Variants in SYNE2 observed in about 807,000 individuals in gnomAD.
SYNE2 encodes nesprin-2.
Under a neutral mutation model 856.3 loss-of-function variants are expected in SYNE2, and 431 were observed. The observed-to-expected ratio is 0.50, with a 90% confidence interval of 0.47 to 0.55. The LOEUF (loss-of-function observed/expected upper bound fraction) is 0.55. Ranked by LOEUF, SYNE2 falls within the 20% of genes least tolerant of loss-of-function variation. SYNE2 has a pLI of 0.00. For missense variants in SYNE2, 8,129 were observed against 8,023.2 expected (o/e 1.01, Z -0.50); for synonymous variants, 2,923 against 2,872.3 (o/e 1.02, Z -0.56).
intron 11 of SYNE2, among the ~76,000 whole-genome samples, chr14:63,973,312 A>G (rs144135938): frequency 1.3e-5 from 2 of 152,254 alleles, no homozygotes; most frequent in African/African-American, 4.8e-5. Flanking sequence ...ATCTGGAGAC[A>G]TAATGGCAAA....
rs560501482 is a variant in SYNE2, at chr14:63,780,019, TATA to T, written c.-305+18038_-305+18040del. On this transcript the variant is annotated intron_variant, in intron 1 of 23. Coordinates refer to the SYNE2 transcript ENST00000674003. ...CATTAATTTTGGAAATCCAGGAATC[TATA>T]ATAACTCTAGAATTAATAATCCCAA... 7.9e-5 allele frequency among the ~76,000 whole-genome samples: 12 copies of T among 152,206 alleles called. No homozygotes were observed. The South Asian group carries it at 2.5e-3, about 31-fold the overall frequency.
chr14:64,160,041 T>C (rs1363791731), intron 87 of SYNE2, among the ~76,000 whole-genome samples: 4 of 152,232 alleles, frequency 2.6e-5, no homozygotes, highest in African/African-American at 9.6e-5. Flanking sequence ...ATCTTAAGTG[T>C]CCTTCCTGAT....
chr14:63,878,153 C>G (rs993937364), intron 1 of SYNE2, among the ~76,000 whole-genome samples: 1 of 151,942 alleles, frequency 6.6e-6, no homozygotes, highest in African/African-American at 2.4e-5. Context: ...TCCCAAAGTG[C>G]TAGGATTACA....
chr14:64,129,307 CTAAA>C (rs750368504), intron 74 of SYNE2, among the ~76,000 whole-genome samples: 6 of 152,026 alleles, frequency 3.9e-5, no homozygotes, highest in Non-Finnish European at 7.4e-5. Flanking sequence ...ACTTTTGTCT[CTAAA>C]TAAATAAATA....
At chr14:64,118,174 C>T (rs894394643) in intron 66 of SYNE2, among the ~76,000 whole-genome samples, 1 of 151,972 alleles carries the variant, frequency 6.6e-6, no homozygotes, top group African/African-American at 2.4e-5. Flanking sequence ...TGTTCTTAGT[C>T]ACGCACCGAG....
chr14:63,888,008 C>G (rs941967282), intron 1 of SYNE2, among the ~76,000 whole-genome samples: 1 of 152,066 alleles, frequency 6.6e-6, no homozygotes, highest in Non-Finnish European at 1.5e-5. Context: ...CCGCCTTGGC[C>G]TCCCAAAGTA....
chr14:64,161,740 C>CA (rs903391848), intron 87 of SYNE2, among the ~76,000 whole-genome samples: 5,149 of 56,234 alleles, frequency 0.092, 221 homozygotes, highest in East Asian at 0.23. Context: ...CCTGTCTCTA[C>CA]AAAAAAAAAA....
In SYNE2 at chr14:63,945,684, G is replaced by A. The variant is rs117005358; in HGVS notation, c.408+3541G>A. On this transcript the variant is annotated intron_variant, in intron 6 of 115. Coordinates refer to ENST00000555002, the MANE Select transcript of SYNE2 (RefSeq NM_182914.3). ...GTCGCCCAGGCTGGAGTGCAGTGGG[G>A]CACGATCTTGGCTCACTGTAACCTC... is the stretch of plus-strand genomic sequence containing the variant. 1.4e-3 allele frequency among the ~76,000 whole-genome samples: 219 copies of A among 152,166 alleles called. 2 individuals carry two copies. The East Asian group carries it at 0.015, about 10-fold the overall frequency.
At position 64,098,171 on chromosome 14, in the gene SYNE2, T is replaced by C. The variant is rs573209282; in HGVS notation, c.12306+25T>C. 286 of 1,611,948 alleles carry C rather than the reference T, an allele frequency of 1.8e-4. No individual in the cohort carries two copies. The South Asian group carries it at 1.8e-3, about 10-fold the overall frequency. On this transcript the variant is annotated intron_variant, in intron 62 of 115. Transcript: ENST00000555002. Reference sequence around the variant, plus strand: ...GGTGGGTATGACTTTAGGTTAATGCTGGCCCCACACTCCACAAGAGCATTA... The same window carrying C: ...GGTGGGTATGACTTTAGGTTAATGCCGGCCCCACACTCCACAAGAGCATTA...
chr14:63,809,951 G>T (rs1035161129), intron 1 of SYNE2, among the ~76,000 whole-genome samples: 1 of 152,174 alleles, frequency 6.6e-6, no homozygotes, highest in Non-Finnish European at 1.5e-5. Context: ...GGCCAGGTGT[G>T]GTGGCCCATG....
At chr14:64,047,889 A>G in intron 45 of SYNE2, 111 bp from the exon 46 acceptor site, 1 of 1,176,842 alleles carries the variant, frequency 8.5e-7, no homozygotes, top group Non-Finnish European at 1.2e-6. Flanking sequence ...ATACTTTTTA[A>G]GTCTATAATC....
chr14:63,851,636 G>C (rs1470619599), upstream of SYNE2, among the ~76,000 whole-genome samples: 2 of 152,030 alleles, frequency 1.3e-5, no homozygotes, highest in African/African-American at 4.8e-5. Flanking sequence ...CCAAATTGTG[G>C]GTACAACTTA....
At position 63,886,790 on chromosome 14, in the gene SYNE2, G is replaced by C. The variant is rs532292206; in HGVS notation, c.-51-22308G>C. 3.6e-4 allele frequency among the ~76,000 whole-genome samples: 55 copies of C among 152,170 alleles called. 1 individual carries two copies. In the South Asian group the frequency reaches 0.011, roughly 30 times the overall value. ...TTCTCCTGCCTCAGCCTCCCGAGTA[G>C]CTGGGACTACAGGTGTGCTCCATCA... On this transcript the variant is annotated intron_variant, in intron 1 of 115. Transcript: ENST00000555002.
chr14:64,146,256 C>T (rs200570086), intron 84 of SYNE2, 33 bp downstream of exon 84: 13 of 1,576,672 alleles, frequency 8.2e-6, no homozygotes, highest in Admixed American at 7.3e-5. Context: ...ACCCAACCCG[C>T]GAGCTGGGGT....
At chr14:64,124,447 A>G (rs1595686098) in intron 70 of SYNE2, among the ~76,000 whole-genome samples, 1 of 144,094 alleles carries the variant, frequency 6.9e-6, no homozygotes, top group Admixed American at 7.1e-5. Flanking sequence ...ACTCCCTTGC[A>G]CTCCTGGCCT....
Position 64,225,581 on chromosome 14 carries a change from G to A in SYNE2, c.*55G>A. On this transcript the variant is annotated 3_prime_UTR_variant, in exon 116 of 116. Coordinates refer to ENST00000555002, the MANE Select transcript of SYNE2 (RefSeq NM_182914.3). ...CCTGCCTGATTGCCAAGGGTGCCCA[G>A]CACGTGGCCCCAGACCAATCTGAGT... 3.2e-6 allele frequency: 5 copies of A among 1,576,292 alleles called. No individual in the cohort carries two copies. Among genetic ancestry groups the A allele is most frequent in the Non-Finnish European group, 4.3e-6 (5 of 1,151,466 alleles).
At chr14:64,202,998 C>A (rs199953701) in intron 100 of SYNE2, 35 bp downstream of exon 100, 33 of 1,611,628 alleles carry the variant, frequency 2.0e-5, no homozygotes, top group Non-Finnish European at 2.8e-5. Flanking sequence ...TGCAAGAGTA[C>A]GGTGTCCGCG....
chr14:63,858,262 CTTTTTTTTTTTTTTTT>C lies in SYNE2; in HGVS notation c.-52+5136_-52+5151del, dbSNP rs61091259. ...TACAGGTGTGCGTCTCCACACCGGC[CTTTTTTTTTTTTTTTT>C]TTTTTTTTTTTTTTTTGATTTTTAG... is the stretch of plus-strand genomic sequence containing the variant. On this transcript the variant is annotated intron_variant, in intron 1 of 115. Transcript: ENST00000555002. Among the ~76,000 whole-genome samples, 33 of 52,936 alleles carry C rather than the reference CTTTTTTTTTTTTTTTT, an allele frequency of 6.2e-4. No individual in the cohort carries two copies. In the East Asian group the frequency reaches 8.7e-3, roughly 14 times the overall value. The allele number at this position is 52,936 out of a possible 152,430, so 34.7% of individuals were successfully genotyped here.
chr14:64,026,458 G>A (rs2096979572), intron 41 of SYNE2, 121 bp from the exon 42 acceptor site: 2 of 774,028 alleles, frequency 2.6e-6, no homozygotes, highest in Non-Finnish European at 2.2e-6. Context: ...AAAATGAAAA[G>A]ATTATGTTGA....
Sources: gnomAD v4.1 joint callset for allele counts (sites outside exome capture counted in the v4.1 genomes callset) on GRCh38, gnomAD v4.1.1 for gene constraint, MANE v1.5 for transcripts, NCBI Gene and HGNC (gene_info 2026-07-23, HGNC 2026-07-21) for gene names.